PSMA3: variants seen among roughly 807,000 people sequenced by gnomAD.
PSMA3 encodes the protein proteasome subunit alpha type-3.
PSMA3 carries 8 observed loss-of-function variants against 40.0 expected under a neutral mutation model. The ratio of observed to expected loss-of-function variants is 0.20; its 90% confidence interval spans 0.12 to 0.36. The LOEUF (loss-of-function observed/expected upper bound fraction) is 0.36. Ranked by LOEUF, PSMA3 falls within the 10% of genes least tolerant of loss-of-function variation. The probability of loss-of-function intolerance (pLI) is 1.00; values close to 1 mark genes in which losing one functional copy is unlikely to be tolerated. For synonymous variants in PSMA3, 110 were observed against 100.0 expected (o/e 1.10, Z -0.59); for missense variants, 219 against 310.6 (o/e 0.70, Z 2.22).
At chr14:58,267,321 C>T (rs998927633) in intron 7 of PSMA3, 153 bp from the exon 8 acceptor site, 1 of 1,194,684 alleles carries the variant, frequency 8.4e-7, no homozygotes, top group African/African-American at 1.6e-5. Context: ...AATTTCAAAA[C>T]ATTAAAATAT....
chr14:58,252,179 T>C lies in PSMA3; in HGVS notation c.165T>C (p.Leu55=), dbSNP rs750007006. ...GVVFGVEKLV[L]SKLYEEGSNK... is the part of the protein sequence containing the mutation. ...TCTTTGGGGTAGAAAAATTAGTCCT[T>C]TCTAAACTTTATGAAGAAGGTTCCA... Residue 55 remains leucine (L), a synonymous_variant, in exon 3 of 11, where the codon CTT becomes CTC. Transcript: ENST00000216455. 6 of 1,613,510 alleles carry C rather than the reference T, an allele frequency of 3.7e-6. No individual in the cohort carries two copies. Among genetic ancestry groups the C allele is most frequent in the Non-Finnish European group, 5.1e-6 (6 of 1,179,850 alleles).
chr14:58,271,047 C>T (rs181190325), intron 10 of PSMA3, 49 bp downstream of exon 10: 4 of 1,434,266 alleles, frequency 2.8e-6, no homozygotes, highest in African/African-American at 1.4e-5. Context: ...GTCAGGGAAT[C>T]ACTTAGCCCA....
intron 5 of PSMA3, among the ~76,000 whole-genome samples, chr14:58,259,326 T>C (rs1235680199): frequency 6.6e-6 from 1 of 152,156 alleles, no homozygotes; most frequent in Non-Finnish European, 1.5e-5. Flanking sequence ...TTGTTTTGTT[T>C]TGTTTTGAGA....
intron 6 of PSMA3, 65 bp downstream of exon 6, chr14:58,261,085 C>T (rs1209619848): frequency 1.8e-6 from 2 of 1,109,586 alleles, no homozygotes; most frequent in Admixed American, 1.9e-5. Context: ...GCATTTAAGT[C>T]TCATTATAAG....
chr14:58,264,261 T>C (rs1384340888), intron 7 of PSMA3, among the ~76,000 whole-genome samples: 4 of 152,250 alleles, frequency 2.6e-5, no homozygotes, highest in African/African-American at 7.2e-5. Context: ...TAAAAAGTTA[T>C]ATTTTTCCTA....
intron 3 of PSMA3, among the ~76,000 whole-genome samples, chr14:58,255,747 CA>C (rs1195427332): frequency 1.3e-5 from 2 of 152,072 alleles, no homozygotes; most frequent in African/African-American, 4.8e-5. Flanking sequence ...CTAGCCTGGG[CA>C]ACAAGAGCAA....
chr14:58,253,743 G>A (rs530034385), intron 3 of PSMA3, among the ~76,000 whole-genome samples: 5 of 152,004 alleles, frequency 3.3e-5, no homozygotes, highest in South Asian at 2.1e-4. Context: ...ACAGACATAC[G>A]CCGCCACACC....
intron 7 of PSMA3, chr14:58,264,715 A>T (rs963003028): frequency 1.3e-5 from 2 of 152,126 alleles, no homozygotes; most frequent in East Asian, 3.9e-4. Flanking sequence ...CCCCTATAAA[A>T]CCTAATTTGT....
At position 58,247,107 on chromosome 14, in the gene PSMA3, T is replaced by C. The variant is rs552045628; in HGVS notation, c.22-643T>C. Among the ~76,000 whole-genome samples, 16 of 152,368 alleles carry C rather than the reference T, an allele frequency of 1.1e-4. No individual in the cohort carries two copies. In the South Asian group the frequency reaches 3.3e-3, roughly 32 times the overall value. ...TTTGTGCCAAATGTCAAGAAGACTT[T>C]TCCTTCATATCTTAAATGGCTAGCT... On this transcript the variant is annotated intron_variant, in intron 1 of 10. Transcript: ENST00000216455.
chr14:58,252,315 C>G lies in PSMA3; in HGVS notation c.228+73C>G, dbSNP rs1044568054. ...TGAAGTAACTGATTGGAATAGATCA[C>G]TGTGCAGTCACAAAAGTAATCAGAG... On this transcript the variant is annotated intron_variant, in intron 3 of 10. Coordinates refer to ENST00000216455, the MANE Select transcript of PSMA3 (RefSeq NM_002788.4). 18 of 1,520,652 alleles carry G rather than the reference C, an allele frequency of 1.2e-5. No individual in the cohort carries two copies. In the African/African-American group the frequency reaches 2.2e-4, roughly 19 times the overall value. The allele number at this position is 1,520,652 out of a possible 1,614,324, so 94.2% of individuals were successfully genotyped here.
chr14:58,267,221 C>T lies in PSMA3; in HGVS notation c.544-253C>T, dbSNP rs561249030. On this transcript the variant is annotated intron_variant, in intron 7 of 10. Transcript: ENST00000216455. ...TTCACCATGTTGGTCAGGCTGGTCT[C>T]GAACTTCTGACTTCAGGCAATCCGG... 2.4e-5 allele frequency: 9 copies of T among 369,248 alleles called. No homozygotes were observed. The East Asian group carries it at 3.0e-4, about 12-fold the overall frequency. 22.9% of individuals were successfully genotyped at this position (369,248 alleles called of 1,614,324 possible).
chr14:58,247,624 C>T (rs1392613649), intron 1 of PSMA3, 126 bp from the exon 2 acceptor site: 1 of 611,428 alleles, frequency 1.6e-6, no homozygotes. Context: ...TCCCTTTCCT[C>T]TCTTGAAAGC....
chr14:58,270,646 G>T (rs1890587754), intron 9 of PSMA3, among the ~76,000 whole-genome samples, 161 bp downstream of exon 9: 1 of 152,186 alleles, frequency 6.6e-6, no homozygotes, highest in African/African-American at 2.4e-5. Flanking sequence ...TTGTGAACAC[G>T]TTATTTTTTG....
chr14:58,245,014 T>C lies in PSMA3; in HGVS notation c.21+73T>C, dbSNP rs1030914668. On this transcript the variant is annotated intron_variant, in intron 1 of 10. Transcript: ENST00000216455. ...TTGAAGGGAACTCGGACAGACCACATGGGGTTCGCGGACCCGGGGTGCTCT... is the reference window on the plus strand; with the variant it reads ...TTGAAGGGAACTCGGACAGACCACACGGGGTTCGCGGACCCGGGGTGCTCT... 9 of 1,606,822 alleles carry C rather than the reference T, an allele frequency of 5.6e-6. No individual in the cohort carries two copies. The African/African-American group carries it at 9.4e-5, about 17-fold the overall frequency.
At chr14:58,251,326 C>T (rs1023646067) in intron 2 of PSMA3, among the ~76,000 whole-genome samples, 1 of 152,216 alleles carries the variant, frequency 6.6e-6, no homozygotes, top group Non-Finnish European at 1.5e-5. Flanking sequence ...CACTCTGTTG[C>T]ACAGACTGGT....
intron 5 of PSMA3, among the ~76,000 whole-genome samples, chr14:58,260,581 A>C (rs1890253668): frequency 6.6e-6 from 1 of 152,196 alleles, no homozygotes; most frequent in Non-Finnish European, 1.5e-5. Context: ...AGAATTTCAC[A>C]TGGATTCAGT....
intron 8 of PSMA3, among the ~76,000 whole-genome samples, chr14:58,269,351 GGACAAGGAGCTTAAAAAGACTACT>G: frequency 6.6e-6 from 1 of 152,256 alleles, no homozygotes; most frequent in East Asian, 1.9e-4. Context: ...ATTATAAAAT[GGACAAGGAGCTTAAAAAGACTACT>G]GCCAAGAAGC....
At position 58,252,235 on chromosome 14, in the gene PSMA3, T is replaced by C; in HGVS notation, c.221T>C (p.Val74Ala). The change falls in exon 3 of 11, where the codon GTT becomes GCT. Residue 74 changes from valine to alanine, a missense_variant. Coordinates refer to ENST00000216455, the MANE Select transcript of PSMA3 (RefSeq NM_002788.4). The stretch of plus-strand genomic sequence containing the variant: ...AGACTTTTTAATGTTGATCGGCATG[T>C]TGGAATGGTAAGGTCATGTTTAAAA... ...NKRLFNVDRH[V>A]GMAVAGLLAD... is the part of the protein sequence containing the mutation. The C allele has an allele frequency of 1.2e-6, 2 of 1,606,612 alleles. No homozygotes were observed. The highest frequency in any genetic ancestry group is 1.7e-6 in the Non-Finnish European group (2 of 1,178,238).
rs529457570 is a variant in PSMA3 at position 58,264,340 on chromosome 14, G to T, written c.543+570G>T. ...ACCGGTTCTCTTAGCTTTGCTCCTA[G>T]CCAGGTAAGGCATAAAGCCTACACT... is the stretch of plus-strand genomic sequence containing the variant. On this transcript the variant is annotated intron_variant, in intron 7 of 10. Transcript: ENST00000216455. Among the ~76,000 whole-genome samples the T allele has an allele frequency of 3.9e-5, 6 of 152,120 alleles. No homozygotes were observed. The East Asian group carries it at 1.2e-3, about 29-fold the overall frequency.
Sources: gnomAD v4.1 joint callset for allele counts (sites outside exome capture counted in the v4.1 genomes callset) on GRCh38, gnomAD v4.1.1 for gene constraint, MANE v1.5 for transcripts, NCBI Gene and HGNC (gene_info 2026-07-23, HGNC 2026-07-21) for gene names.